Variants in RPP30 observed in about 807,000 individuals in gnomAD.
RPP30 encodes the protein ribonuclease P/MRP subunit p30.
In RPP30, 36 loss-of-function variants were observed where a neutral mutation model predicts 38.6. The observed-to-expected ratio is 0.93, with a 90% confidence interval of 0.71 to 1.23. The LOEUF (loss-of-function observed/expected upper bound fraction) is 1.23. Ranked by LOEUF, RPP30 falls within the 50% of genes most tolerant of loss-of-function variation. The pLI, the probability that RPP30 is intolerant of heterozygous loss-of-function variation, is 0.00. For missense variants in RPP30, 321 were observed against 321.7 expected, an observed-to-expected ratio of 1.00 and a Z score of 0.02; for synonymous variants, 126 against 112.7, an observed-to-expected ratio of 1.12 and a Z score of -0.75.
intron 9 of RPP30, 78 bp downstream of exon 9, chr10:90,895,995 A>C (rs555114664): frequency 8.9e-7 from 1 of 1,129,250 alleles, no homozygotes; most frequent in Admixed American, 2.0e-5. Flanking sequence ...ATAGTTGAAC[A>C]TGTATTTTTC....
intron 5 of RPP30, among the ~76,000 whole-genome samples, chr10:90,879,424 G>A (rs766593272): frequency 6.6e-6 from 1 of 152,144 alleles, no homozygotes; most frequent in Non-Finnish European, 1.5e-5. Flanking sequence ...TCTTAGCTAA[G>A]TGTTGATCCA....
intron 4 of RPP30, among the ~76,000 whole-genome samples, chr10:90,877,782 G>A (rs955687796): frequency 7.2e-5 from 11 of 152,224 alleles, no homozygotes; most frequent in African/African-American, 2.7e-4. Context: ...GCGTAGGGTG[G>A]TTAGTGGATA....
chr10:90,895,676 C>T (rs1847131437), intron 8 of RPP30, 193 bp downstream of exon 8: 1 of 488,842 alleles, frequency 2.0e-6, no homozygotes, highest in African/African-American at 2.0e-5. Flanking sequence ...TTTATATAAT[C>T]AGTTTTTCTT....
chr10:90,906,773 G>A (rs1056240505), downstream of RPP30, among the ~76,000 whole-genome samples: 2 of 152,162 alleles, frequency 1.3e-5, no homozygotes, highest in African/African-American at 2.4e-5. Context: ...TTGTTTAAAA[G>A]AGAAGGATGA....
chr10:90,896,208 A>G, intron 9 of RPP30, 105 bp from the exon 10 acceptor site: 2 of 947,888 alleles, frequency 2.1e-6, no homozygotes, highest in Non-Finnish European at 1.7e-6. Flanking sequence ...TGTTGAATTA[A>G]TTAGCCTCTC....
Position 90,901,711 on chromosome 10 carries a change from A to G in RPP30, c.*1032A>G. On this transcript the variant is annotated 3_prime_UTR_variant, in exon 11 of 11. Transcript: ENST00000371703. ...TTATGCAAATACATGCATTTATGCA[A>G]TATTAATGTAAGGGCTCTAAAACAA... is the stretch of plus-strand genomic sequence containing the variant. 1 of 983,638 alleles carries G rather than the reference A, an allele frequency of 1.0e-6. No homozygotes were observed. Among genetic ancestry groups the G allele is most frequent in the Non-Finnish European group, 1.2e-6 (1 of 828,278 alleles). The allele number at this position is 983,638 out of a possible 1,614,324, so 60.9% of individuals were successfully genotyped here. A position where few individuals can be genotyped will look rare whatever the true frequency, so the allele number is the denominator to read the frequency against.
intron 5 of RPP30, among the ~76,000 whole-genome samples, chr10:90,884,774 T>C (rs1846977247): frequency 6.6e-6 from 1 of 152,310 alleles, no homozygotes; most frequent in Non-Finnish European, 1.5e-5. Context: ...ACCAATCCTA[T>C]AGGTCATTTT....
intron 5 of RPP30, among the ~76,000 whole-genome samples, chr10:90,881,299 A>G (rs1330983334): frequency 6.6e-6 from 1 of 152,226 alleles, no homozygotes; most frequent in African/African-American, 2.4e-5. Context: ...GAAAACTGAG[A>G]TTCAGGCTGA....
chr10:90,878,679 G>A (rs1846884203), intron 4 of RPP30, among the ~76,000 whole-genome samples: 1 of 152,050 alleles, frequency 6.6e-6, no homozygotes, highest in African/African-American at 2.4e-5. Flanking sequence ...TTTTTGCAGT[G>A]ATGGAGTCTC....
chr10:90,895,414 AT>A, intron 7 of RPP30, 39 bp from the exon 8 acceptor site: 1 of 1,187,640 alleles, frequency 8.4e-7, no homozygotes, highest in Non-Finnish European at 1.2e-6. Flanking sequence ...CTTTTTTTAC[AT>A]TTATCTAAGA....
downstream of RPP30, among the ~76,000 whole-genome samples, chr10:90,907,374 A>G (rs574068084): frequency 4.6e-5 from 7 of 152,194 alleles, no homozygotes; most frequent in Non-Finnish European, 8.8e-5. Context: ...GAGAGATAAC[A>G]ATGAAATCCC....
At chr10:90,894,584 G>C (rs1847118524) in intron 6 of RPP30, among the ~76,000 whole-genome samples, 191 bp from the exon 7 acceptor site, 1 of 152,174 alleles carries the variant, frequency 6.6e-6, no homozygotes, top group South Asian at 2.1e-4. Context: ...TAATCAAGTA[G>C]AGCCACGGAT....
chr10:90,878,239 C>G lies in RPP30; in HGVS notation c.271-824C>G, dbSNP rs78620938. 3.3e-4 allele frequency among the ~76,000 whole-genome samples: 51 copies of G among 152,272 alleles called. No homozygotes were observed. In the East Asian group the frequency reaches 9.7e-3, roughly 29 times the overall value. ...CTGCCCTGCCTCAGCACAAGTCTGC[C>G]TAGCAGGCCCTCTTACCTGCTCAAG... On this transcript the variant is annotated intron_variant, in intron 4 of 10. Transcript: ENST00000371703.
chr10:90,872,183 A>T, intron 1 of RPP30, 115 bp downstream of exon 1: 2 of 903,926 alleles, frequency 2.2e-6, no homozygotes, highest in Non-Finnish European at 3.7e-6. Flanking sequence ...AGTCTCTGGG[A>T]TGTCCCTGGA....
chr10:90,885,272 T>C (rs1310831152), intron 5 of RPP30, among the ~76,000 whole-genome samples: 1 of 152,238 alleles, frequency 6.6e-6, no homozygotes, highest in Non-Finnish European at 1.5e-5. Context: ...TTATGTAGAT[T>C]CCTTCTATTA....
chr10:90,893,758 C>T (rs1207802496), intron 6 of RPP30, among the ~76,000 whole-genome samples: 1 of 152,190 alleles, frequency 6.6e-6, no homozygotes, highest in African/African-American at 2.4e-5. Context: ...TCCTTGATAG[C>T]ACTTAACACA....
At chr10:90,887,939 A>G (rs887964668) in intron 6 of RPP30, among the ~76,000 whole-genome samples, 2 of 152,218 alleles carry the variant, frequency 1.3e-5, no homozygotes, top group African/African-American at 4.8e-5. Flanking sequence ...TTGTCTGTCA[A>G]GATCTCTGAT....
chr10:90,895,976 AGTC>A (rs1847134722), intron 9 of RPP30, 59 bp downstream of exon 9: 3 of 1,321,296 alleles, frequency 2.3e-6, no homozygotes, highest in African/African-American at 1.5e-5. Context: ...TTGAATTTGA[AGTC>A]GTATTATAGT....
chr10:90,900,875 G>C lies in RPP30; in HGVS notation c.*196G>C. On this transcript the variant is annotated 3_prime_UTR_variant, in exon 11 of 11. Coordinates refer to ENST00000371703, the MANE Select transcript of RPP30 (RefSeq NM_006413.5). ...GAAGCATCTTTTTAAAAGGCTGCCA[G>C]CTTAATGAATTTAGATGTACTTTAA... The C allele has an allele frequency of 7.7e-7, 1 of 1,291,026 alleles. No individual in the cohort carries two copies. Among genetic ancestry groups the C allele is most frequent in the Non-Finnish European group, 9.8e-7 (1 of 1,021,478 alleles). The allele number at this position is 1,291,026 out of a possible 1,614,324, so 80.0% of individuals were successfully genotyped here.
Sources: gnomAD v4.1 joint callset for allele counts (sites outside exome capture counted in the v4.1 genomes callset) on GRCh38, gnomAD v4.1.1 for gene constraint, MANE v1.5 for transcripts, NCBI Gene and HGNC (gene_info 2026-07-23, HGNC 2026-07-21) for gene names.